Variants in ACBD6 observed in about 807,000 individuals in gnomAD.
The protein encoded by ACBD6 is acyl-CoA binding domain containing 6.
In ACBD6, 28 loss-of-function variants were observed where a neutral mutation model predicts 37.2. That is an observed-to-expected ratio of 0.75 (90% CI 0.56 to 1.03). The LOEUF (loss-of-function observed/expected upper bound fraction) is 1.03, where lower values mean the gene tolerates loss of function less well. Among genes scored for constraint, ACBD6 ranks in the 50% least tolerant of loss-of-function variants. ACBD6 has a pLI of 0.00. For synonymous variants in ACBD6, 113 were observed against 126.8 expected (o/e 0.89, Z 0.73); for missense variants, 340 against 337.4 (o/e 1.01, Z -0.06).
chr1:180,344,758 G>A (rs116511338), intron 6 of ACBD6, among the ~76,000 whole-genome samples: 2,781 of 152,178 alleles, frequency 0.018, 88 homozygotes, highest in African/African-American at 0.063. Context: ...TAAGGTCCCA[G>A]GCCCTTCTAA....
intron 7 of ACBD6, among the ~76,000 whole-genome samples, chr1:180,297,912 T>A (rs1649986095): frequency 6.6e-6 from 1 of 152,156 alleles, no homozygotes; most frequent in Non-Finnish European, 1.5e-5. Flanking sequence ...AGCTAATTGT[T>A]TTTGTATTTT....
chr1:180,284,038 T>C (rs922742720), downstream of ACBD6, among the ~76,000 whole-genome samples: 2 of 152,182 alleles, frequency 1.3e-5, no homozygotes, highest in Non-Finnish European at 2.9e-5. Context: ...AAGTGATCCA[T>C]ACAAAAATCA....
At chr1:180,348,439 G>A (rs1440842922) in intron 6 of ACBD6, among the ~76,000 whole-genome samples, 1 of 152,208 alleles carries the variant, frequency 6.6e-6, no homozygotes, top group African/African-American at 2.4e-5. Context: ...GCAGGAAGAA[G>A]TGTAGGATCA....
chr1:180,327,335 G>C (rs773582142), intron 6 of ACBD6, among the ~76,000 whole-genome samples: 5 of 152,174 alleles, frequency 3.3e-5, no homozygotes, highest in Non-Finnish European at 5.9e-5. Flanking sequence ...CCCAGTTGCT[G>C]TGTTCTCCCT....
At chr1:180,406,493 T>C (rs1040123452) in intron 5 of ACBD6, among the ~76,000 whole-genome samples, 14 of 152,172 alleles carry the variant, frequency 9.2e-5, no homozygotes, top group Non-Finnish European at 1.5e-5. Context: ...AATAACTTCA[T>C]TATGAAATAC....
rs184200591 is a variant in ACBD6 at position 180,376,889 on chromosome 1, G to A, written c.663+20627C>T. On this transcript the variant is annotated intron_variant, in intron 6 of 7. Transcript: ENST00000367595. The stretch of plus-strand genomic sequence containing the variant: ...ATGTATTTGAAGTGAATCTAAAATC[G>A]CATACAAACACCCACAAATGAACCT... 2.1e-4 allele frequency among the ~76,000 whole-genome samples: 32 copies of A among 152,108 alleles called. No homozygotes were observed. In the East Asian group the frequency reaches 4.2e-3, roughly 20 times the overall value.
chr1:180,302,572 G>T (rs1054261579), intron 7 of ACBD6, among the ~76,000 whole-genome samples: 3 of 152,056 alleles, frequency 2.0e-5, no homozygotes, highest in Non-Finnish European at 4.4e-5. Flanking sequence ...TTGCTTGGTA[G>T]ATCTTCCTTC....
Position 180,435,231 on chromosome 1 carries a change from G to T in ACBD6, c.385-4969C>A, listed in dbSNP as rs1246377510. On this transcript the variant is annotated intron_variant, in intron 3 of 7. Coordinates refer to ENST00000367595, the MANE Select transcript of ACBD6 (RefSeq NM_032360.4). ...GGGTACTCTGGTGCTGGGTTACGAG[G>T]GCTGGCTGGCCGGCTACCAGATGCA... is the stretch of plus-strand genomic sequence containing the variant. 1.2e-5 allele frequency: 8 copies of T among 672,312 alleles called. No individual in the cohort carries two copies. The Admixed American group carries it at 1.6e-4, about 13-fold the overall frequency. The allele number at this position is 672,312 out of a possible 1,614,324, so 41.6% of individuals were successfully genotyped here.
At chr1:180,333,973 C>T (rs1204481817) in intron 6 of ACBD6, among the ~76,000 whole-genome samples, 1 of 152,188 alleles carries the variant, frequency 6.6e-6, no homozygotes, top group Admixed American at 6.5e-5. Flanking sequence ...GGGGGAGGGG[C>T]GCCTGCCATT....
intron 6 of ACBD6, among the ~76,000 whole-genome samples, chr1:180,347,453 C>A (rs148546428): frequency 6.6e-6 from 1 of 151,514 alleles, no homozygotes; most frequent in African/African-American, 2.4e-5. Flanking sequence ...CAGCCTCCCC[C>A]TCCCGGGGGT....
chr1:180,397,428 C>T (rs1257136482), intron 6 of ACBD6, 88 bp downstream of exon 6: 3 of 1,162,664 alleles, frequency 2.6e-6, no homozygotes, highest in Non-Finnish European at 3.9e-6. Flanking sequence ...CTGAATTGCA[C>T]ATTTCAAAAG....
intron 2 of ACBD6, among the ~76,000 whole-genome samples, chr1:180,494,436 T>C (rs979715441): frequency 6.6e-6 from 1 of 152,168 alleles, no homozygotes; most frequent in African/African-American, 2.4e-5. Context: ...AAAAAACTTG[T>C]GCAAGAATAT....
chr1:180,435,125 TAAAATCA>T, intron 3 of ACBD6: 1 of 735,838 alleles, frequency 1.4e-6, no homozygotes, highest in South Asian at 1.4e-5. Flanking sequence ...AAAAAAAAGC[TAAAATCA>T]AGACAGGGTA....
chr1:180,482,563 C>T (rs1348514303), intron 3 of ACBD6, among the ~76,000 whole-genome samples: 5 of 149,942 alleles, frequency 3.3e-5, no homozygotes, highest in African/African-American at 1.2e-4. Context: ...CTGAAACACA[C>T]AGAAAACACT....
At chr1:180,318,319 T>A (rs1650916456) in intron 6 of ACBD6, among the ~76,000 whole-genome samples, 1 of 152,214 alleles carries the variant, frequency 6.6e-6, no homozygotes, top group South Asian at 2.1e-4. Context: ...AATTCTTTGA[T>A]ATATTTGAAC....
intron 4 of ACBD6, among the ~76,000 whole-genome samples, chr1:180,421,853 T>C (rs1648377590): frequency 6.8e-6 from 1 of 147,850 alleles, no homozygotes; most frequent in South Asian, 2.1e-4. Flanking sequence ...GCCCACTTTC[T>C]AATGTTTTTT....
At chr1:180,272,206 C>G (rs1369360236) in intron 13 of ACBD6, among the ~76,000 whole-genome samples, 1 of 152,106 alleles carries the variant, frequency 6.6e-6, no homozygotes, top group Non-Finnish European at 1.5e-5. Context: ...AACAAGATTG[C>G]TGAGGTCTGG....
At chr1:180,289,864 A>G (rs149927973) in intron 7 of ACBD6, among the ~76,000 whole-genome samples, 265 of 152,294 alleles carry the variant, frequency 1.7e-3, no homozygotes, top group African/African-American at 6.2e-3. Flanking sequence ...AAACCGGTAA[A>G]ACTAAAGAAT....
rs111740402 is a variant in ACBD6, at chr1:180,379,949, A to G, written c.663+17567T>C. Among the ~76,000 whole-genome samples the G allele has an allele frequency of 5.7e-3, 873 of 152,338 alleles. 6 individuals are homozygous for G. The highest frequency in any genetic ancestry group is 0.019 in the African/African-American group (810 of 41,568). ...TGTAAAAATGTTTTCTCCACACCAC[A>G]TTATAGTCAAACTGTCAAAAGTCAA... On this transcript the variant is annotated intron_variant, in intron 6 of 7. Coordinates refer to ENST00000367595, the MANE Select transcript of ACBD6 (RefSeq NM_032360.4).
Sources: allele counts gnomAD v4.1 joint callset (sites outside exome capture counted in the v4.1 genomes callset), GRCh38; gene constraint gnomAD v4.1.1; transcripts MANE v1.5; gene names NCBI Gene and HGNC (gene_info 2026-07-23, HGNC 2026-07-21).